Variants in CD2AP observed in about 807,000 individuals in gnomAD.
CD2AP encodes the protein CD2-associated protein.
A neutral mutation model predicts 85.1 loss-of-function variants in CD2AP; 46 were observed. The observed-to-expected ratio is 0.54, with a 90% CI of 0.43 to 0.69. CD2AP has a LOEUF of 0.69. CD2AP is among the 30% of genes least tolerant of loss of function. The probability of loss-of-function intolerance (pLI) is 0.00; values close to 1 mark genes in which losing one functional copy is unlikely to be tolerated. For synonymous variants in CD2AP, 255 were observed against 252.9 expected (o/e 1.01, Z -0.08); for missense variants, 769 against 729.5 (o/e 1.05, Z -0.62).
chr6:47,568,905 CAGA>C (rs2114088291), intron 5 of CD2AP, among the ~76,000 whole-genome samples: 1 of 152,142 alleles, frequency 6.6e-6, no homozygotes, highest in East Asian at 1.9e-4. Flanking sequence ...CAAGAAAGCA[CAGA>C]AGGAGAGAGC....
intron 11 of CD2AP, among the ~76,000 whole-genome samples, chr6:47,587,681 G>C (rs1330592829): frequency 1.3e-5 from 2 of 152,134 alleles, no homozygotes. Context: ...ACAAAGGGAG[G>C]AACTCATAAT....
rs541244683 is a variant in CD2AP at position 47,579,540 on chromosome 6, C to G, written c.1008+51C>G. ...TAATACTTGAAAGAACATTTTGCCA[C>G]TATTCTTTTGCAAACAAGTTTTTTT... On this transcript the variant is annotated intron_variant, in intron 9 of 17. Coordinates refer to ENST00000359314, the MANE Select transcript of CD2AP (RefSeq NM_012120.3). 8 of 1,208,180 alleles carry G rather than the reference C, an allele frequency of 6.6e-6. No individual in the cohort carries two copies. The African/African-American group carries it at 1.2e-4, about 18-fold the overall frequency. The allele number at this position is 1,208,180 out of a possible 1,614,324, so 74.8% of individuals were successfully genotyped here. A position where few individuals can be genotyped will look rare whatever the true frequency, so the allele number is the denominator to read the frequency against.
intron 1 of CD2AP, among the ~76,000 whole-genome samples, chr6:47,496,516 ACTT>A (rs1765861511): frequency 6.6e-6 from 1 of 152,214 alleles, no homozygotes; most frequent in Non-Finnish European, 1.5e-5. Context: ...GAGTCAATGA[ACTT>A]CTTAATTATC....
intron 1 of CD2AP, among the ~76,000 whole-genome samples, chr6:47,487,646 C>A (rs553542252): frequency 3.3e-5 from 5 of 152,044 alleles, no homozygotes; most frequent in African/African-American, 1.2e-4. Context: ...GCTGAGATCG[C>A]GCCACTGCAC....
At chr6:47,482,565 A>T (rs951240443) in intron 1 of CD2AP, among the ~76,000 whole-genome samples, 1 of 151,718 alleles carries the variant, frequency 6.6e-6, no homozygotes, top group Non-Finnish European at 1.5e-5. Flanking sequence ...TTTTTAGTGG[A>T]GATGGGGTTT....
intron 9 of CD2AP, 21 bp downstream of exon 9, chr6:47,579,510 G>T: frequency 7.2e-7 from 1 of 1,389,960 alleles, no homozygotes; most frequent in Non-Finnish European, 1.0e-6. Context: ...GTTTTTCAAT[G>T]ATGATAATAC....
At chr6:47,613,963 C>A (rs1357624405) in intron 17 of CD2AP, among the ~76,000 whole-genome samples, 1 of 152,174 alleles carries the variant, frequency 6.6e-6, no homozygotes, top group Non-Finnish European at 1.5e-5. Context: ...CATGAACCAG[C>A]CTCTGCTACC....
chr6:47,498,327 T>C (rs1454196110), intron 1 of CD2AP, among the ~76,000 whole-genome samples: 1 of 152,228 alleles, frequency 6.6e-6, no homozygotes, highest in Non-Finnish European at 1.5e-5. Context: ...TGATTCTCAA[T>C]CTTTTGTAGA....
Position 47,595,870 on chromosome 6 carries a change from C to A in CD2AP, c.1118C>A (p.Ser373Ter). ...SLKPEEKDEK[S>*]TLEQKPSKPA... The stretch of plus-strand genomic sequence containing the variant: ...ATATTTTAAATCTTAGATGAAAAAT[C>A]AACACTGGAACAGAAACCTTCTAAA... The change falls in exon 12 of 18, where the codon TCA becomes TAA. Residue 373 changes from serine (S) to a stop codon, truncating the protein, a stop_gained. Transcript: ENST00000359314. LOFTEE classifies it high-confidence loss of function. 6.2e-7 allele frequency: 1 copy of A among 1,611,542 alleles called. No individual in the cohort carries two copies. The highest frequency in any genetic ancestry group is 1.1e-5 in the South Asian group (1 of 90,870).
chr6:47,544,825 AT>A, intron 4 of CD2AP, 119 bp downstream of exon 4: 1 of 689,066 alleles, frequency 1.5e-6, no homozygotes, highest in Non-Finnish European at 2.6e-6. Context: ...TTTAAAAAAA[AT>A]GGTATAGAGT....
chr6:47,489,967 C>CTT (rs71684059), intron 1 of CD2AP, among the ~76,000 whole-genome samples: 3,352 of 121,248 alleles, frequency 0.028, 101 homozygotes, highest in African/African-American at 0.076. Context: ...TCTAAAGAGA[C>CTT]TTTTTTTTTT....
chr6:47,557,171 T>TTG (rs955500577), intron 5 of CD2AP, among the ~76,000 whole-genome samples: 10 of 150,242 alleles, frequency 6.7e-5, no homozygotes, highest in Non-Finnish European at 1.3e-4. Flanking sequence ...TTGATGGAGT[T>TTG]TTTTTTTTTT....
intron 15 of CD2AP, among the ~76,000 whole-genome samples, chr6:47,608,503 C>T (rs569928318): frequency 6.6e-6 from 1 of 152,250 alleles, no homozygotes; most frequent in East Asian, 1.9e-4. Flanking sequence ...ACAACTGAGA[C>T]ATAGATTTAA....
At chr6:47,509,394 T>C (rs1766259030) in intron 2 of CD2AP, among the ~76,000 whole-genome samples, 1 of 151,818 alleles carries the variant, frequency 6.6e-6, no homozygotes, top group South Asian at 2.1e-4. Context: ...AAAATGGCAT[T>C]GATGGGCTTG....
In CD2AP at chr6:47,554,595, ATT is replaced by A. The variant is rs373182055; in HGVS notation, c.421-48_421-47del. On this transcript the variant is annotated intron_variant, in intron 4 of 17. Transcript: ENST00000359314. ...AGCTTAATTTTCCCATAGGGTGACG[ATT>A]TTCACTTAACAGAAGTTGTTTTTGC... is the stretch of plus-strand genomic sequence containing the variant. 417 of 1,609,528 alleles carry A rather than the reference ATT, an allele frequency of 2.6e-4. 2 individuals carry two copies. In the East Asian group the frequency reaches 6.8e-3, roughly 26 times the overall value.
chr6:47,537,275 A>G (rs1321500980), intron 3 of CD2AP, among the ~76,000 whole-genome samples: 1 of 152,180 alleles, frequency 6.6e-6, no homozygotes, highest in Admixed American at 6.5e-5. Flanking sequence ...GATTATGTCC[A>G]CTGACTATGC....
intron 2 of CD2AP, among the ~76,000 whole-genome samples, chr6:47,532,959 C>A (rs1219659871): frequency 6.6e-6 from 1 of 151,550 alleles, no homozygotes; most frequent in Non-Finnish European, 1.5e-5. Flanking sequence ...TATTTTATAG[C>A]CATGACTTAG....
chr6:47,519,347 C>T (rs1176034429), intron 2 of CD2AP, among the ~76,000 whole-genome samples: 2 of 143,726 alleles, frequency 1.4e-5, no homozygotes. Flanking sequence ...TGAAATTAGA[C>T]AAAGTAGGCT....
chr6:47,615,651 C>T (rs1267163440), intron 17 of CD2AP, among the ~76,000 whole-genome samples: 1 of 152,060 alleles, frequency 6.6e-6, no homozygotes, highest in African/African-American at 2.4e-5. Context: ...GATCCAAATA[C>T]CTCTCACCTG....
Sources: gnomAD v4.1 joint callset for allele counts (sites outside exome capture counted in the v4.1 genomes callset) on GRCh38, gnomAD v4.1.1 for gene constraint, MANE v1.5 for transcripts, NCBI Gene and HGNC (gene_info 2026-07-23, HGNC 2026-07-21) for gene names.